The following PCDHA3 variants were observed in gnomAD, a reference collection of about 807,000 sequenced individuals.
The protein encoded by PCDHA3 is protocadherin alpha-3.
A neutral mutation model predicts 62.2 loss-of-function variants in PCDHA3; 41 were observed. The observed-to-expected ratio is 0.66, with a 90% CI of 0.51 to 0.86. The LOEUF (loss-of-function observed/expected upper bound fraction) is 0.86. Ranked by LOEUF, PCDHA3 falls within the 40% of genes least tolerant of loss-of-function variation. PCDHA3 has a pLI of 0.00. For synonymous variants in PCDHA3, 640 were observed against 555.4 expected (o/e 1.15, Z -2.14); for missense variants, 1,304 against 1,241.2 (o/e 1.05, Z -0.76).
chr5:140,824,765 A>G (rs1050013225), intron 1 of PCDHA3: 1 of 151,626 alleles, frequency 6.6e-6, no homozygotes, highest in Non-Finnish European at 1.5e-5. Flanking sequence ...TGGCCTATAA[A>G]AATGTTTTAA....
chr5:140,876,476 T>G, intron 1 of PCDHA3: 1 of 1,614,036 alleles, frequency 6.2e-7, no homozygotes, highest in Non-Finnish European at 8.5e-7. Context: ...GGTCACAGCA[T>G]GGTCCTGGTG....
Position 140,858,553 on chromosome 5 carries a change from G to A in PCDHA3, c.2394+54962G>A, listed in dbSNP as rs782150802. 10 of 1,392,490 alleles carry A rather than the reference G, an allele frequency of 7.2e-6. 2 individuals are homozygous for A. In the South Asian group the frequency reaches 1.1e-4, roughly 16 times the overall value. The allele number at this position is 1,392,490 out of a possible 1,614,324, so 86.3% of individuals were successfully genotyped here. ...TTTTGTCTACATTCCATTTATGCTT[G>A]AATATTTCTAGTGATACCTTTGTAA... On this transcript the variant is annotated intron_variant, in intron 1 of 3. Coordinates refer to ENST00000522353, the MANE Select transcript of PCDHA3 (RefSeq NM_018906.3).
chr5:140,941,191 T>TTTTTTTCTTTC (rs1554213809), intron 1 of PCDHA3, among the ~76,000 whole-genome samples: 6 of 93,206 alleles, frequency 6.4e-5, no homozygotes, highest in Admixed American at 2.5e-4. Context: ...GCTTCTTTTT[T>TTTTTTTCTTTC]TTTCTTTCTT....
intron 1 of PCDHA3, among the ~76,000 whole-genome samples, chr5:140,938,740 A>T (rs1308554709): frequency 1.3e-5 from 2 of 152,150 alleles, no homozygotes; most frequent in East Asian, 3.8e-4. Flanking sequence ...AAAAATAATT[A>T]TTTTTAAAGG....
intron 3 of PCDHA3, among the ~76,000 whole-genome samples, chr5:140,997,092 A>C (rs2097758868): frequency 6.6e-6 from 1 of 152,160 alleles, no homozygotes; most frequent in South Asian, 2.1e-4. Flanking sequence ...GAAAGTGCAG[A>C]GTTCTCATGC....
chr5:140,966,886 G>T, intron 1 of PCDHA3: 1 of 1,592,132 alleles, frequency 6.3e-7, no homozygotes. Context: ...CTGGCCCTGC[G>T]GCCTCCCAGC....
At chr5:140,929,209 G>T in intron 1 of PCDHA3, 1 of 1,614,054 alleles carries the variant, frequency 6.2e-7, no homozygotes, top group Non-Finnish European at 8.5e-7. Context: ...GCTGTTGCGT[G>T]GGGAGTACAA....
At chr5:140,895,829 C>T (rs2065183021) in intron 1 of PCDHA3, among the ~76,000 whole-genome samples, 1 of 151,878 alleles carries the variant, frequency 6.6e-6, no homozygotes, top group African/African-American at 2.4e-5. Context: ...GTATTTTTTT[C>T]AGACAAAGTC....
intron 1 of PCDHA3, chr5:140,862,416 C>A: frequency 2.8e-6 from 1 of 351,276 alleles, no homozygotes; most frequent in South Asian, 2.2e-5. Flanking sequence ...TCAAAAGGCG[C>A]TGCCCAGAAA....
chr5:140,877,433 A>G, intron 1 of PCDHA3: 8 of 1,613,774 alleles, frequency 5.0e-6, no homozygotes, highest in Non-Finnish European at 6.8e-6. Context: ...GTGAAGGACC[A>G]CGGTGAGCCC....
Position 140,807,076 on chromosome 5 carries a change from T to A in PCDHA3, c.2394+3485T>A, listed in dbSNP as rs1013702892. The A allele has an allele frequency of 4.0e-6, 5 of 1,236,742 alleles. No homozygotes were observed. The African/African-American group carries it at 7.5e-5, about 19-fold the overall frequency. 76.6% of individuals were successfully genotyped at this position (1,236,742 alleles called of 1,614,324 possible). ...TCTTACTGGAAGGAACCATATACAC[T>A]CTTTGGAGTCTGAAATATGGAGGAT... On this transcript the variant is annotated intron_variant, in intron 1 of 3. Coordinates refer to ENST00000522353, the MANE Select transcript of PCDHA3 (RefSeq NM_018906.3).
chr5:140,940,164 AT>A (rs1407801775), intron 1 of PCDHA3, among the ~76,000 whole-genome samples: 1 of 152,170 alleles, frequency 6.6e-6, no homozygotes, highest in African/African-American at 2.4e-5. Flanking sequence ...TTTGCCTGAA[AT>A]GTCATTCTTG....
At chr5:140,985,648 C>G (rs185772569) in intron 3 of PCDHA3, among the ~76,000 whole-genome samples, 17 of 152,092 alleles carry the variant, frequency 1.1e-4, no homozygotes, top group African/African-American at 4.1e-4. Flanking sequence ...CCAACACTTG[C>G]AATGGCTGAA....
intron 1 of PCDHA3, chr5:140,807,056 C>A: frequency 9.3e-7 from 1 of 1,079,728 alleles, no homozygotes; most frequent in Non-Finnish European, 1.3e-6. Context: ...TCTATTCTTA[C>A]TGGAAGGAAC....
chr5:140,828,487 G>T (rs1554131330), intron 1 of PCDHA3: 4 of 1,614,106 alleles, frequency 2.5e-6, no homozygotes, highest in Non-Finnish European at 3.4e-6. Context: ...ACCCGCCCTT[G>T]TTCCCGGTAG....
chr5:140,907,167 T>C (rs1200819434), intron 1 of PCDHA3, among the ~76,000 whole-genome samples: 3 of 152,166 alleles, frequency 2.0e-5, no homozygotes, highest in Non-Finnish European at 4.4e-5. Context: ...ATATATTGGA[T>C]GCTGATTCAG....
rs1388292827 is a variant in PCDHA3, at chr5:140,857,492, G to A, written c.2394+53901G>A. On this transcript the variant is annotated intron_variant, in intron 1 of 3. Coordinates refer to ENST00000522353, the MANE Select transcript of PCDHA3 (RefSeq NM_018906.3). ...CTTCACGGTGTCTGCGTGGGACGCG[G>A]ACGCGCAGGAGAACGCCCTGGTGTC... 2 of 1,598,272 alleles carry A rather than the reference G, an allele frequency of 1.3e-6. No homozygotes were observed. The highest frequency in any genetic ancestry group is 1.7e-6 in the Non-Finnish European group (2 of 1,167,822).
At chr5:140,854,178 A>AATT in intron 1 of PCDHA3, 6 of 531,176 alleles carry the variant, frequency 1.1e-5, no homozygotes, top group Non-Finnish European at 1.2e-5. Context: ...AAAAAAAAAG[A>AATT]GTAGTTTAAC....
chr5:140,801,605 T>C lies in PCDHA3; in HGVS notation c.408T>C (p.Ala136=). The change falls in exon 1 of 4, where the codon GCT becomes GCC. Residue 136 remains alanine, a synonymous_variant. Coordinates refer to ENST00000522353, the MANE Select transcript of PCDHA3 (RefSeq NM_018906.3). ...INDNAPVFPM[A]VKNLFISESR... ...ACAACGCGCCAGTTTTTCCAATGGCTGTAAAGAATCTGTTTATTTCCGAAT... is the reference window on the plus strand; with the variant it reads ...ACAACGCGCCAGTTTTTCCAATGGCCGTAAAGAATCTGTTTATTTCCGAAT... 6.2e-7 allele frequency: 1 copy of C among 1,614,200 alleles called. No homozygotes were observed. The highest frequency in any genetic ancestry group is 8.5e-7 in the Non-Finnish European group (1 of 1,180,040).
Sources: gnomAD v4.1 joint callset for allele counts (sites outside exome capture counted in the v4.1 genomes callset) on GRCh38, gnomAD v4.1.1 for gene constraint, MANE v1.5 for transcripts, NCBI Gene and HGNC (gene_info 2026-07-23, HGNC 2026-07-21) for gene names.